BSG: variants seen among roughly 807,000 people sequenced by gnomAD.
The protein encoded by BSG is basigin.
In BSG, 37 loss-of-function variants were observed where a neutral mutation model predicts 43.1. The ratio of observed to expected loss-of-function variants is 0.86; its 90% CI spans 0.66 to 1.13. The LOEUF (loss-of-function observed/expected upper bound fraction) is 1.13, where lower values mean the gene tolerates loss of function less well. Among genes scored for constraint, BSG ranks in the 50% most tolerant of loss-of-function variants. The pLI is 0.00. For synonymous variants in BSG, 309 were observed against 238.7 expected (o/e 1.29, Z -2.72); for missense variants, 599 against 554.2 (o/e 1.08, Z -0.81).
At chr19:582,449 G>T (rs1272165393) in intron 7 of BSG, 65 bp from the exon 8 acceptor site, 2 of 1,582,190 alleles carry the variant, frequency 1.3e-6, no homozygotes, top group Non-Finnish European at 1.7e-6. Flanking sequence ...GCCGGGGTGG[G>T]CAGGGGTGAC....
At chr19:581,619 G>T in intron 6 of BSG, 28 bp downstream of exon 6, 1 of 1,555,748 alleles carries the variant, frequency 6.4e-7, no homozygotes, top group East Asian at 2.4e-5. Flanking sequence ...CTGCCCACAT[G>T]CCCTGCTCTC....
intron 1 of BSG, 131 bp downstream of exon 1, chr19:572,832 G>A (rs1981386871): frequency 2.7e-6 from 3 of 1,095,636 alleles, no homozygotes; most frequent in South Asian, 6.2e-5. Context: ...GGCCGGCCCC[G>A]GGGGCTTCCC....
At chr19:579,938 C>T (rs148868153) in intron 3 of BSG, 13 of 478,338 alleles carry the variant, frequency 2.7e-5, no homozygotes, top group African/African-American at 9.8e-5. Flanking sequence ...GTCCCGGGCA[C>T]GTGTGCGGGC....
chr19:572,508 C>G (rs565922179), upstream of BSG: 4 of 1,210,290 alleles, frequency 3.3e-6, no homozygotes, highest in East Asian at 1.0e-4. Flanking sequence ...GTCCCCGGCG[C>G]TCGCCCCGCC....
In BSG at chr19:582,926, G is replaced by A. The variant is rs375383929; in HGVS notation, c.*182G>A. 1.4e-5 allele frequency: 5 copies of A among 346,068 alleles called. No homozygotes were observed. In the East Asian group the frequency reaches 2.3e-4, roughly 16 times the overall value. 21.4% of individuals were successfully genotyped at this position (346,068 alleles called of 1,614,324 possible). ...CTCCATTCAGGATTCTGTTCCTTAGGTTTTTTTCCTTCTGAAGTGTTTCAC... is the reference window on the plus strand; with the variant it reads ...CTCCATTCAGGATTCTGTTCCTTAGATTTTTTTCCTTCTGAAGTGTTTCAC... On this transcript the variant is annotated 3_prime_UTR_variant, in exon 9 of 9. Transcript: ENST00000333511.
intron 1 of BSG, among the ~76,000 whole-genome samples, chr19:574,572 A>G (rs1981599256): frequency 6.6e-6 from 1 of 151,924 alleles, no homozygotes; most frequent in South Asian, 2.1e-4. Context: ...CAAAAAAAAA[A>G]TTTATTGTGA....
intron 5 of BSG, among the ~76,000 whole-genome samples, chr19:581,070 A>G (rs10422066): frequency 0.049 from 2,064 of 41,936 alleles, 602 homozygotes; most frequent in African/African-American, 0.2. Context: ...GCAGCCCTCC[A>G]GACTGGGTGA....
intron 2 of BSG, among the ~76,000 whole-genome samples, chr19:578,577 C>A (rs897936997): frequency 6.6e-6 from 1 of 152,224 alleles, no homozygotes; most frequent in Non-Finnish European, 1.5e-5. Flanking sequence ...GTAAACTAAC[C>A]AAGAACCAAG....
intron 7 of BSG, 78 bp downstream of exon 7, chr19:582,408 C>T (rs989523686): frequency 2.7e-5 from 43 of 1,598,792 alleles, no homozygotes; most frequent in Non-Finnish European, 3.5e-5. Flanking sequence ...AAGGCAGAGC[C>T]CCTGGGCTTC....
intron 6 of BSG, 33 bp from the exon 7 acceptor site, chr19:582,270 CTCG>C (rs772609315): frequency 2.5e-6 from 4 of 1,605,204 alleles, no homozygotes; most frequent in Admixed American, 1.8e-5. Context: ...AGGCTGTCCT[CTCG>C]TCCTCTTTTT....
At position 582,755 on chromosome 19, in the gene BSG, C is replaced by A; in HGVS notation, c.*11C>A. The A allele has an allele frequency of 1.5e-6, 1 of 677,598 alleles. No individual in the cohort carries two copies. The highest frequency in any genetic ancestry group is 2.5e-6 in the Non-Finnish European group (1 of 398,910). 42.0% of individuals were successfully genotyped at this position (677,598 alleles called of 1,614,324 possible). ...GCGCCCCTCCCTGTCCACAGGTGGC[C>A]CGAGGACGCTCCCTGCTCCACGTCT... On this transcript the variant is annotated 3_prime_UTR_variant, in exon 9 of 9. Coordinates refer to ENST00000333511, the MANE Select transcript of BSG (RefSeq NM_001728.4).
chr19:572,114 T>C (rs1397730683), upstream of BSG: 2 of 151,254 alleles, frequency 1.3e-5, no homozygotes, highest in African/African-American at 4.8e-5. Context: ...TGTACATTTT[T>C]AAAGGCAGAG....
upstream of BSG, chr19:571,515 G>A (rs753724735): frequency 5.1e-6 from 4 of 779,230 alleles, no homozygotes; most frequent in Non-Finnish European, 9.6e-6. Context: ...CACCTCGGGC[G>A]GGACCCGATC....
At chr19:574,857 A>G (rs907949961) in intron 1 of BSG, among the ~76,000 whole-genome samples, 1 of 149,928 alleles carries the variant, frequency 6.7e-6, no homozygotes, top group Non-Finnish European at 1.5e-5. Context: ...AGACACAGAT[A>G]GGAGCCCATG....
At chr19:572,269 A>C (rs1018977538), upstream of BSG, 1 of 497,508 alleles carries the variant, frequency 2.0e-6, no homozygotes, top group African/African-American at 2.1e-5. Context: ...TCTGGGTAAC[A>C]CACTTTCAAC....
chr19:572,372 GC>G (rs1230101498), upstream of BSG: 40 of 1,095,922 alleles, frequency 3.6e-5, no homozygotes, highest in East Asian at 2.1e-3. Flanking sequence ...GTCCCCGCAG[GC>G]CCCACTCCCG....
intron 1 of BSG, among the ~76,000 whole-genome samples, chr19:576,805 C>CT (rs1981816290): frequency 6.6e-6 from 1 of 152,108 alleles, no homozygotes; most frequent in Non-Finnish European, 1.5e-5. Flanking sequence ...AACTTGTCAA[C>CT]TGCGCCTGCC....
intron 2 of BSG, 100 bp from the exon 3 acceptor site, chr19:579,400 C>T (rs1982076130): frequency 3.3e-6 from 5 of 1,517,182 alleles, no homozygotes; most frequent in Non-Finnish European, 3.6e-6. Flanking sequence ...GGATGAAAAC[C>T]AGTCCTTCCC....
Position 580,655 on chromosome 19 carries a change from G to C in BSG, c.665G>C (p.Arg222Thr). ...TANIQLHGPPRVKAVKSSEHI... is the reference protein window; with the variant it reads ...TANIQLHGPPTVKAVKSSEHI... ...CTCACCCTCCTGTCAGGGCCTCCCA[G>C]AGTGAAGGCTGTGAAGTCGTCAGAA... The change falls in exon 5 of 9, where the codon AGA becomes ACA. Residue 222 changes from arginine (R) to threonine (T), a missense_variant. Physicochemically the swap from Arg to Thr is moderately conservative, Grantham distance 71. Coordinates refer to ENST00000333511, the MANE Select transcript of BSG (RefSeq NM_001728.4). The C allele has an allele frequency of 6.2e-7, 1 of 1,612,842 alleles. No individual in the cohort carries two copies. The highest frequency in any genetic ancestry group is 1.7e-5 in the Admixed American group (1 of 60,026).
Sources: gnomAD v4.1 joint callset for allele counts (sites outside exome capture counted in the v4.1 genomes callset) on GRCh38, gnomAD v4.1.1 for gene constraint, MANE v1.5 for transcripts, NCBI Gene and HGNC (gene_info 2026-07-23, HGNC 2026-07-21) for gene names.